Variants in SCFD2 observed in about 807,000 individuals in gnomAD.
The protein encoded by SCFD2 is sec1 family domain containing 2, also known as sec1 family domain-containing protein 2.
SCFD2 carries 54 observed loss-of-function variants against 58.9 expected under a neutral mutation model. The observed-to-expected ratio is 0.92, with a 90% CI of 0.74 to 1.15. The LOEUF is 1.15. Ranked by LOEUF, SCFD2 falls within the 50% of genes most tolerant of loss-of-function variation. The pLI, the probability that SCFD2 is intolerant of heterozygous loss-of-function variation, is 0.00. For synonymous variants in SCFD2, 321 were observed against 335.9 expected (o/e 0.96, Z 0.49); for missense variants, 805 against 836.6 (o/e 0.96, Z 0.47).
intron 5 of SCFD2, among the ~76,000 whole-genome samples, chr4:52,935,085 G>GGTTAC (rs1187346742): frequency 6.6e-6 from 1 of 152,166 alleles, no homozygotes; most frequent in African/African-American, 2.4e-5. Context: ...TGTGGCTAGT[G>GGTTAC]GTTACTGTGT....
chr4:53,266,134 G>C (rs1730978057), intron 4 of SCFD2, among the ~76,000 whole-genome samples: 1 of 152,134 alleles, frequency 6.6e-6, no homozygotes, highest in Non-Finnish European at 1.5e-5. Context: ...GGTTTAAAGA[G>C]AAATACTGTC....
intron 4 of SCFD2, among the ~76,000 whole-genome samples, chr4:53,191,687 G>A (rs756460455): frequency 6.6e-6 from 1 of 152,186 alleles, no homozygotes; most frequent in Non-Finnish European, 1.5e-5. Flanking sequence ...TTATAGGCGT[G>A]AGCCACCGCG....
At chr4:53,334,755 GA>G (rs1468626251) in intron 2 of SCFD2, among the ~76,000 whole-genome samples, 1 of 151,998 alleles carries the variant, frequency 6.6e-6, no homozygotes, top group African/African-American at 2.4e-5. Context: ...GTATAAAAAA[GA>G]AAAAAATTAA....
chr4:53,312,183 T>A (rs1389691648), intron 3 of SCFD2, among the ~76,000 whole-genome samples: 5 of 152,184 alleles, frequency 3.3e-5, no homozygotes, highest in Admixed American at 3.3e-4. Flanking sequence ...GGCTAGGGCA[T>A]GTCTGTCTGC....
chr4:53,086,858 T>G (rs1420437176), intron 5 of SCFD2, among the ~76,000 whole-genome samples: 3 of 152,082 alleles, frequency 2.0e-5, no homozygotes, highest in Admixed American at 2.0e-4. Context: ...AGACAGAAAG[T>G]AGATGGATAG....
At chr4:53,285,000 T>C (rs905988135) in intron 3 of SCFD2, among the ~76,000 whole-genome samples, 1 of 152,240 alleles carries the variant, frequency 6.6e-6, no homozygotes, top group African/African-American at 2.4e-5. Context: ...AAGAAACTAA[T>C]GTGAAAAGAG....
chr4:53,159,196 A>T (rs1433714463), intron 4 of SCFD2, among the ~76,000 whole-genome samples: 1 of 152,234 alleles, frequency 6.6e-6, no homozygotes, highest in East Asian at 1.9e-4. Context: ...AGAAAAAAAT[A>T]AACATTTATA....
chr4:53,139,295 C>A (rs2148906749), intron 5 of SCFD2, among the ~76,000 whole-genome samples: 1 of 152,038 alleles, frequency 6.6e-6, no homozygotes, highest in South Asian at 2.1e-4. Flanking sequence ...CGCCACCCCG[C>A]CCCACAAGAA....
intron 7 of SCFD2, among the ~76,000 whole-genome samples, chr4:52,898,974 T>C (rs1275499997): frequency 6.6e-6 from 1 of 152,174 alleles, no homozygotes; most frequent in African/African-American, 2.4e-5. Flanking sequence ...ATTGCAACCC[T>C]TGCCTTTTTT....
chr4:53,017,803 T>C (rs2148811737), intron 5 of SCFD2, among the ~76,000 whole-genome samples: 1 of 152,302 alleles, frequency 6.6e-6, no homozygotes, highest in African/African-American at 2.4e-5. Flanking sequence ...TCCTGGGTAT[T>C]GTTCCTTGAA....
chr4:53,163,995 T>G (rs1726930169), intron 4 of SCFD2, among the ~76,000 whole-genome samples: 1 of 152,188 alleles, frequency 6.6e-6, no homozygotes, highest in African/African-American at 2.4e-5. Context: ...AACTGAAGAC[T>G]GCTATACCTC....
At chr4:53,079,991 G>A (rs1404356621) in intron 5 of SCFD2, among the ~76,000 whole-genome samples, 7 of 152,096 alleles carry the variant, frequency 4.6e-5, no homozygotes, top group Admixed American at 1.3e-4. Context: ...GAATAGTTAC[G>A]TATTCCTGTT....
chr4:52,920,837 T>A lies in SCFD2; in HGVS notation c.1595A>T (p.Lys532Ile). 6.2e-7 allele frequency: 1 copy of A among 1,611,604 alleles called. No homozygotes were observed. Among genetic ancestry groups the A allele is most frequent in the Middle Eastern group, 1.7e-4 (1 of 6,054 alleles). ...WDSSINLTFH[K>I]SKIAVDELFT... Reference sequence around the variant, plus strand: ...GAGTTCATCCACGGCAATTTTGGATTTGTGAAATGTCAGATTAATTGAAGA... The same window carrying A: ...GAGTTCATCCACGGCAATTTTGGATATGTGAAATGTCAGATTAATTGAAGA... The change falls in exon 6 of 9, where the codon AAA becomes ATA. Residue 532 changes from lysine to isoleucine, a missense_variant. Lys to Ile is a moderately radical substitution (Grantham distance 102). Transcript: ENST00000401642.
chr4:53,192,179 C>T (rs149042303), intron 4 of SCFD2, among the ~76,000 whole-genome samples: 5 of 152,236 alleles, frequency 3.3e-5, no homozygotes, highest in South Asian at 2.1e-4. Flanking sequence ...AGAGTAGTTG[C>T]CCCTTGACAC....
In SCFD2 at chr4:53,238,300, T is replaced by G. The variant is rs1184808013; in HGVS notation, c.1311+35526A>C. On this transcript the variant is annotated intron_variant, in intron 4 of 8. Coordinates refer to ENST00000401642, the MANE Select transcript of SCFD2 (RefSeq NM_152540.4). Reference sequence around the variant, plus strand: ...CTCCTGGACGGGGCAGCTGGCCGGGTGGGGGCTGACCCCCCCACCTCCCTC... The same window carrying G: ...CTCCTGGACGGGGCAGCTGGCCGGGGGGGGGCTGACCCCCCCACCTCCCTC... Among the ~76,000 whole-genome samples the G allele has an allele frequency of 6.7e-3, 635 of 94,796 alleles. 18 individuals carry two copies. The highest frequency in any genetic ancestry group is 0.027 in the African/African-American group (585 of 21,940). 62.2% of individuals were successfully genotyped at this position (94,796 alleles called of 152,430 possible).
intron 4 of SCFD2, among the ~76,000 whole-genome samples, chr4:53,230,025 C>T (rs1194387832): frequency 1.3e-5 from 2 of 152,190 alleles, no homozygotes; most frequent in Admixed American, 6.5e-5. Flanking sequence ...TGAAAAAATG[C>T]TCATCACCAC....
intron 2 of SCFD2, among the ~76,000 whole-genome samples, chr4:53,321,049 C>G (rs986346676): frequency 2.6e-5 from 4 of 152,162 alleles, no homozygotes; most frequent in Non-Finnish European, 4.4e-5. Context: ...TACTAATTGT[C>G]ATTTTTTGAT....
At chr4:53,249,264 C>A (rs530392762) in intron 4 of SCFD2, among the ~76,000 whole-genome samples, 1,825 of 152,048 alleles carry the variant, frequency 0.012, 15 homozygotes, top group Non-Finnish European at 0.021. Flanking sequence ...GAAAAAAGAA[C>A]AAAAAGAAAC....
chr4:53,361,939 C>A lies in SCFD2; in HGVS notation c.838+3165G>T, dbSNP rs1185984865. 8.3e-4 allele frequency among the ~76,000 whole-genome samples: 126 copies of A among 152,124 alleles called. 3 individuals are homozygous for A. The highest frequency in any genetic ancestry group is 3.1e-4 in the Non-Finnish European group (21 of 68,030). ...CCTTTAATCCACTCATTTATCCATT[C>A]ATTCAATAAATATATATTGAATACC... On this transcript the variant is annotated intron_variant, in intron 1 of 8. Transcript: ENST00000401642.
Sources: gnomAD v4.1 joint callset for allele counts (sites outside exome capture counted in the v4.1 genomes callset) on GRCh38, gnomAD v4.1.1 for gene constraint, MANE v1.5 for transcripts, NCBI Gene and HGNC (gene_info 2026-07-23, HGNC 2026-07-21) for gene names.